TACR3: variants seen among roughly 807,000 people sequenced by gnomAD.
TACR3 encodes the protein tachykinin receptor 3.
TACR3 carries 34 observed loss-of-function variants against 35.0 expected under a neutral mutation model. The ratio of observed to expected loss-of-function variants is 0.97; its 90% CI spans 0.74 to 1.30. The LOEUF is 1.30. TACR3 is among the 50% of genes most tolerant of loss of function. TACR3 has a pLI of 0.00. For missense variants in TACR3, 558 were observed against 591.7 expected (o/e 0.94, Z 0.59); for synonymous variants, 233 against 221.1 (o/e 1.05, Z -0.48).
chr4:103,638,858 A>G (rs570349301), intron 3 of TACR3, among the ~76,000 whole-genome samples: 1,546 of 152,322 alleles, frequency 0.01, 12 homozygotes, highest in Admixed American at 0.016. Flanking sequence ...ATCACTGGCC[A>G]TCAGAGAAAT....
intron 1 of TACR3, among the ~76,000 whole-genome samples, chr4:103,706,650 G>T (rs952549616): frequency 6.6e-6 from 1 of 152,156 alleles, no homozygotes; most frequent in Non-Finnish European, 1.5e-5. Flanking sequence ...ATGTGGATGT[G>T]ACGGTCATAG....
At chr4:103,633,884 T>C (rs35145818) in intron 3 of TACR3, among the ~76,000 whole-genome samples, 20,972 of 151,756 alleles carry the variant, frequency 0.14, 1,627 homozygotes, top group Middle Eastern at 0.22. Context: ...TAGTTCTTTT[T>C]TTAAAAAAAG....
At chr4:103,627,915 C>G (rs572572795) in intron 3 of TACR3, among the ~76,000 whole-genome samples, 1 of 151,996 alleles carries the variant, frequency 6.6e-6, no homozygotes, top group East Asian at 1.9e-4. Flanking sequence ...CCTCAGCAAA[C>G]GTAAAAGAAC....
At chr4:103,693,794 T>C (rs1306797240) in intron 1 of TACR3, among the ~76,000 whole-genome samples, 1 of 152,086 alleles carries the variant, frequency 6.6e-6, no homozygotes, top group East Asian at 1.9e-4. Context: ...ATTCTGATAC[T>C]CTTGTGTTTA....
intron 3 of TACR3, among the ~76,000 whole-genome samples, chr4:103,603,180 T>C (rs1454229993): frequency 2.6e-5 from 4 of 152,214 alleles, no homozygotes; most frequent in African/African-American, 9.6e-5. Flanking sequence ...TCCATGGGCG[T>C]AGGACCCTCC....
At chr4:103,697,044 G>A (rs1307917730) in intron 1 of TACR3, among the ~76,000 whole-genome samples, 6 of 152,088 alleles carry the variant, frequency 3.9e-5, no homozygotes, top group Admixed American at 3.3e-4. Flanking sequence ...CTCCCAAAGC[G>A]CTGGGATTAC....
At chr4:103,625,406 C>T (rs1724867236) in intron 3 of TACR3, among the ~76,000 whole-genome samples, 1 of 151,710 alleles carries the variant, frequency 6.6e-6, no homozygotes, top group Admixed American at 6.6e-5. Flanking sequence ...GAACTGTTTC[C>T]TGTAAGGCAA....
At chr4:103,697,884 T>A (rs1722559341) in intron 1 of TACR3, among the ~76,000 whole-genome samples, 1 of 152,230 alleles carries the variant, frequency 6.6e-6, no homozygotes, top group African/African-American at 2.4e-5. Context: ...TATCTTTTTG[T>A]TTCCAGTGAG....
At chr4:103,590,473 T>C (rs1353660142) in intron 4 of TACR3, among the ~76,000 whole-genome samples, 1 of 152,176 alleles carries the variant, frequency 6.6e-6, no homozygotes, top group Non-Finnish European at 1.5e-5. Flanking sequence ...ATGATTTTTA[T>C]CTAATTATAT....
rs1723832454 is a variant in TACR3 at position 103,588,910 on chromosome 4, G to T, written c.*772C>A. The T allele has an allele frequency of 6.6e-6, 1 of 152,090 alleles. No individual in the cohort carries two copies. The allele number at this position is 152,090 out of a possible 1,614,324, so 9.4% of individuals were successfully genotyped here. On this transcript the variant is annotated 3_prime_UTR_variant, in exon 5 of 5. Coordinates refer to ENST00000304883, the MANE Select transcript of TACR3 (RefSeq NM_001059.3). ...AAAAAATCTGTGAAAAATAAAAAAT[G>T]ATAGGAATTTTCTTCATATTTTTAG...
chr4:103,621,768 T>C (rs921975406), intron 3 of TACR3, among the ~76,000 whole-genome samples: 3 of 152,230 alleles, frequency 2.0e-5, no homozygotes, highest in African/African-American at 7.2e-5. Flanking sequence ...CAGCTTACTT[T>C]GAAGCGTCTA....
chr4:103,681,108 T>C (rs1170086608), intron 1 of TACR3, among the ~76,000 whole-genome samples: 1 of 152,076 alleles, frequency 6.6e-6, no homozygotes, highest in African/African-American at 2.4e-5. Flanking sequence ...TTGCTTGTTT[T>C]CTTTAAACTG....
intron 3 of TACR3, among the ~76,000 whole-genome samples, chr4:103,599,845 G>T (rs1229226752): frequency 6.6e-6 from 1 of 152,132 alleles, no homozygotes; most frequent in Non-Finnish European, 1.5e-5. Flanking sequence ...TGTGCTGCTG[G>T]ATTCGGTTTG....
chr4:103,697,486 G>A (rs938892206), intron 1 of TACR3, among the ~76,000 whole-genome samples: 9 of 151,424 alleles, frequency 5.9e-5, no homozygotes, highest in East Asian at 1.9e-4. Flanking sequence ...GTGCAGTGGC[G>A]CCATCTCGGT....
At chr4:103,684,020 A>T (rs1233387241) in intron 1 of TACR3, among the ~76,000 whole-genome samples, 1 of 152,160 alleles carries the variant, frequency 6.6e-6, no homozygotes, top group African/African-American at 2.4e-5. Context: ...AATTTGATGA[A>T]GTTCAACGTC....
chr4:103,625,331 A>G (rs1213213479), intron 3 of TACR3, among the ~76,000 whole-genome samples: 9 of 152,202 alleles, frequency 5.9e-5, no homozygotes. Context: ...TGCTAGGCAC[A>G]TTAAAAACTT....
intron 1 of TACR3, among the ~76,000 whole-genome samples, chr4:103,666,203 C>T (rs866881856): frequency 5.9e-5 from 9 of 152,154 alleles, no homozygotes; most frequent in African/African-American, 2.2e-4. Context: ...GGGAATTAGA[C>T]CTCGTCTTGG....
chr4:103,589,473 TA>T lies in TACR3; in HGVS notation c.*208del. The T allele has an allele frequency of 1.8e-6, 1 of 561,648 alleles. No individual in the cohort carries two copies. Among genetic ancestry groups the T allele is most frequent in the Non-Finnish European group, 3.1e-6 (1 of 319,928 alleles). The allele number at this position is 561,648 out of a possible 1,614,324, so 34.8% of individuals were successfully genotyped here. A position where few individuals can be genotyped will look rare whatever the true frequency, so the allele number is the denominator to read the frequency against. Reference sequence around the variant, plus strand: ...ATTTAGAGTTTTCAAAGAATAAATTTAAAGCCCATTTTATTTTGGGTGGAGG... The same window carrying T: ...ATTTAGAGTTTTCAAAGAATAAATTTAAGCCCATTTTATTTTGGGTGGAGG... On this transcript the variant is annotated 3_prime_UTR_variant, in exon 5 of 5. Coordinates refer to ENST00000304883, the MANE Select transcript of TACR3 (RefSeq NM_001059.3).
intron 1 of TACR3, among the ~76,000 whole-genome samples, chr4:103,709,301 G>T (rs926265872): frequency 3.9e-5 from 6 of 152,318 alleles, no homozygotes; most frequent in South Asian, 2.1e-4. Context: ...GACTAACAGC[G>T]GATCTCTTGG....
Sources: allele counts gnomAD v4.1 joint callset (sites outside exome capture counted in the v4.1 genomes callset), GRCh38; gene constraint gnomAD v4.1.1; transcripts MANE v1.5; gene names NCBI Gene and HGNC (gene_info 2026-07-23, HGNC 2026-07-21).